Variants in FAM20A observed in about 807,000 individuals in gnomAD.
The protein encoded by FAM20A is pseudokinase FAM20A.
Under a neutral mutation model 52.0 loss-of-function variants are expected in FAM20A, and 42 were observed. The observed-to-expected ratio is 0.81, with a 90% confidence interval of 0.63 to 1.04. The LOEUF (loss-of-function observed/expected upper bound fraction) is 1.04. Ranked by LOEUF, FAM20A falls within the 50% of genes least tolerant of loss-of-function variation. The pLI, the probability that FAM20A is intolerant of heterozygous loss-of-function variation, is 0.00. For synonymous variants in FAM20A, 304 were observed against 298.9 expected (o/e 1.02, Z -0.18); for missense variants, 742 against 712.7 (o/e 1.04, Z -0.47).
At position 68,600,914 on chromosome 17, in the gene FAM20A, G is replaced by A. The variant is rs545657241; in HGVS notation, c.-248C>T. ...GTCGCTTCTCCGCGCCGAGTGAGCCGAGGGAATGGGGTTCCCGGGGTGCCC... is the reference window on the plus strand; with the variant it reads ...GTCGCTTCTCCGCGCCGAGTGAGCCAAGGGAATGGGGTTCCCGGGGTGCCC... On this transcript the variant is annotated 5_prime_UTR_variant, in exon 1 of 11. Transcript: ENST00000592554. The surrounding 1 kb of genome is among the most constrained non-coding windows in gnomAD (Gnocchi z 6.2). 44 of 479,064 alleles carry A rather than the reference G, an allele frequency of 9.2e-5. No homozygotes were observed. The highest frequency in any genetic ancestry group is 8.6e-4 in the African/African-American group (42 of 48,796). 29.7% of individuals were successfully genotyped at this position (479,064 alleles called of 1,614,324 possible). A position where few individuals can be genotyped will look rare whatever the true frequency, so the allele number is the denominator to read the frequency against.
At chr17:68,582,089 G>T (rs1191870647) in intron 1 of FAM20A, among the ~76,000 whole-genome samples, 1 of 152,178 alleles carries the variant, frequency 6.6e-6, no homozygotes, top group African/African-American at 2.4e-5. Context: ...TGAAGGGAAG[G>T]TCTCCAGGGA....
chr17:68,535,889 T>C lies in FAM20A; in HGVS notation c.*1588A>G, dbSNP rs766256671. ...TTTTGTGTTACAGTGAAAAGAAGAC[T>C]TTGGAATAGGTCTAAACCACTAAAT... is the stretch of plus-strand genomic sequence containing the variant. On this transcript the variant is annotated 3_prime_UTR_variant, in exon 11 of 11. Transcript: ENST00000592554. 8 of 453,912 alleles carry C rather than the reference T, an allele frequency of 1.8e-5. No individual in the cohort carries two copies. The East Asian group carries it at 5.6e-4, about 32-fold the overall frequency. 28.1% of individuals were successfully genotyped at this position (453,912 alleles called of 1,614,324 possible).
intron 8 of FAM20A, among the ~76,000 whole-genome samples, 185 bp from the exon 9 acceptor site, chr17:68,540,151 G>A (rs1412593282): frequency 6.6e-6 from 1 of 152,208 alleles, no homozygotes; most frequent in Non-Finnish European, 1.5e-5. Flanking sequence ...GGAGAAGGAA[G>A]CGAAACAAGC....
Position 68,536,190 on chromosome 17 carries a change from C to T in FAM20A, c.*1287G>A. The T allele has an allele frequency of 2.2e-6, 1 of 454,096 alleles. No individual in the cohort carries two copies. Among genetic ancestry groups the T allele is most frequent in the Non-Finnish European group, 4.4e-6 (1 of 226,788 alleles). 28.1% of individuals were successfully genotyped at this position (454,096 alleles called of 1,614,324 possible). A position where few individuals can be genotyped will look rare whatever the true frequency, so the allele number is the denominator to read the frequency against. ...GCTCACACTGCAGAAAGCTTGGAGA[C>T]ATTTCTGGTTCTTGACCTTGTACTC... is the stretch of plus-strand genomic sequence containing the variant. On this transcript the variant is annotated 3_prime_UTR_variant, in exon 11 of 11. Coordinates refer to ENST00000592554, the MANE Select transcript of FAM20A (RefSeq NM_017565.4).
chr17:68,591,093 C>CTTT (rs57737609), intron 1 of FAM20A, among the ~76,000 whole-genome samples: 1 of 149,832 alleles, frequency 6.7e-6, no homozygotes. Context: ...TCCAAGGACT[C>CTTT]TGTTTTGTTT....
intron 1 of FAM20A, among the ~76,000 whole-genome samples, chr17:68,595,872 A>G (rs1231773464): frequency 6.6e-6 from 1 of 152,184 alleles, no homozygotes; most frequent in African/African-American, 2.4e-5. Flanking sequence ...TTCCTTCCAC[A>G]GATGCCATGG....
intron 1 of FAM20A, among the ~76,000 whole-genome samples, chr17:68,599,866 A>C (rs1241709250): frequency 6.6e-6 from 1 of 152,206 alleles, no homozygotes; most frequent in Non-Finnish European, 1.5e-5. Flanking sequence ...TTGGGGCCTC[A>C]TTCTGGAAAC....
intron 1 of FAM20A, among the ~76,000 whole-genome samples, chr17:68,577,460 G>C (rs960840308): frequency 6.6e-6 from 1 of 152,196 alleles, no homozygotes; most frequent in African/African-American, 2.4e-5. Context: ...TACCCCTCAG[G>C]GGACATTTGG....
rs1046970190 is a variant in FAM20A, at chr17:68,600,175, G to A, written c.404+88C>T. 2.1e-6 allele frequency: 3 copies of A among 1,456,236 alleles called. No individual in the cohort carries two copies. The African/African-American group carries it at 4.2e-5, about 21-fold the overall frequency. 90.2% of individuals were successfully genotyped at this position (1,456,236 alleles called of 1,614,324 possible). ...GTGGGTGGAGCCGCTGCAGCCCTGG[G>A]CCGGGGGCGTCAGGAAACTCGAGAC... On this transcript the variant is annotated intron_variant, in intron 1 of 10. Transcript: ENST00000592554. This position sits in a 1 kb window ranked among gnomAD's most constrained non-coding sequence, Gnocchi z 6.2.
At chr17:68,556,929 C>T (rs942958543) in intron 1 of FAM20A, among the ~76,000 whole-genome samples, 1 of 152,046 alleles carries the variant, frequency 6.6e-6, no homozygotes, top group Non-Finnish European at 1.5e-5. Context: ...CCAATTTTCT[C>T]ATTGGTGGAG....
intron 4 of FAM20A, among the ~76,000 whole-genome samples, chr17:68,550,394 TTTA>T (rs1336036504): frequency 1.4e-5 from 2 of 139,534 alleles, no homozygotes; most frequent in African/African-American, 6.1e-5. Flanking sequence ...TTTTTTTTTT[TTTA>T]AGATAGAGAG....
chr17:68,566,967 G>C (rs76988180), intron 1 of FAM20A, among the ~76,000 whole-genome samples: 9,581 of 152,224 alleles, frequency 0.063, 441 homozygotes, highest in Non-Finnish European at 0.098. Context: ...ACCTTGGTCT[G>C]TCATTAAATA....
intron 4 of FAM20A, among the ~76,000 whole-genome samples, chr17:68,545,880 T>A (rs1039445793): frequency 6.6e-6 from 1 of 152,176 alleles, no homozygotes; most frequent in African/African-American, 2.4e-5. Flanking sequence ...AAGAAGCCAC[T>A]CCTTATTGGT....
intron 1 of FAM20A, among the ~76,000 whole-genome samples, chr17:68,589,621 A>T (rs1190968205): frequency 6.6e-6 from 1 of 152,156 alleles, no homozygotes; most frequent in Non-Finnish European, 1.5e-5. Flanking sequence ...GAAAGGAAGG[A>T]AGTTTACTCT....
chr17:68,595,533 G>T (rs974295728), intron 1 of FAM20A, among the ~76,000 whole-genome samples: 2 of 152,198 alleles, frequency 1.3e-5, no homozygotes, highest in African/African-American at 4.8e-5. Context: ...GCTCTAATTG[G>T]GAGAAATGGG....
intron 4 of FAM20A, among the ~76,000 whole-genome samples, chr17:68,548,709 C>T (rs898905494): frequency 1.0e-4 from 15 of 146,970 alleles, no homozygotes; most frequent in African/African-American, 2.8e-4. Flanking sequence ...GCAGATACAG[C>T]GAGCTATGCC....
At chr17:68,542,871 T>A in intron 5 of FAM20A, 62 bp from the exon 6 acceptor site, 1 of 1,319,428 alleles carries the variant, frequency 7.6e-7, no homozygotes. Context: ...GGAGGGGTTT[T>A]GTCCCCCGGC....
intron 1 of FAM20A, among the ~76,000 whole-genome samples, chr17:68,592,871 G>A (rs1187914240): frequency 6.6e-6 from 1 of 152,212 alleles, no homozygotes; most frequent in Non-Finnish European, 1.5e-5. Context: ...CAATAAAACA[G>A]GCTTTTCCCT....
chr17:68,543,663 G>T lies in FAM20A; in HGVS notation c.778C>A (p.His260Asn), dbSNP rs1327573200. The change falls in exon 5 of 11, where the codon CAC becomes AAC. Residue 260 changes from histidine to asparagine, a missense_variant. Coordinates refer to ENST00000592554, the MANE Select transcript of FAM20A (RefSeq NM_017565.4). Reference sequence around the variant, plus strand: ...TGGAAAGCTGCGATCTCAGCATTGTGTCTCTGAAAGTCAATGAAGTAGAAG... The same window carrying T: ...TGGAAAGCTGCGATCTCAGCATTGTTTCTCTGAAAGTCAATGAAGTAGAAG... ...DFFYFIDFQR[H>N]NAEIAAFHLD... 1 of 1,614,130 alleles carries T rather than the reference G, an allele frequency of 6.2e-7. No homozygotes were observed. The highest frequency in any genetic ancestry group is 2.2e-5 in the East Asian group (1 of 44,884).
Sources: gnomAD v4.1 joint callset for allele counts (sites outside exome capture counted in the v4.1 genomes callset) on GRCh38, gnomAD v4.1.1 for gene constraint, Gnocchi (gnomAD v3.1) non-coding constraint, MANE v1.5 for transcripts, NCBI Gene and HGNC (gene_info 2026-07-23, HGNC 2026-07-21) for gene names.